Variants in ARHGAP15 observed in about 807,000 individuals in gnomAD.
ARHGAP15 encodes the protein rho GTPase-activating protein 15.
In ARHGAP15, 51 loss-of-function variants were observed where a neutral mutation model predicts 63.7. The ratio of observed to expected loss-of-function variants is 0.80; its 90% CI spans 0.64 to 1.01. The LOEUF (loss-of-function observed/expected upper bound fraction) is 1.01, where lower values mean the gene tolerates loss of function less well. ARHGAP15 is among the 50% of genes least tolerant of loss of function. The probability of loss-of-function intolerance (pLI) is 0.00; values close to 1 mark genes in which losing one functional copy is unlikely to be tolerated. For missense variants in ARHGAP15, 560 were observed against 564.6 expected (o/e 0.99, Z 0.08); for synonymous variants, 191 against 193.8 (o/e 0.99, Z 0.12).
At chr2:143,408,031 A>ATC (rs1688285744) in intron 6 of ARHGAP15, among the ~76,000 whole-genome samples, 2 of 120,084 alleles carry the variant, frequency 1.7e-5, no homozygotes, top group African/African-American at 3.2e-5. Context: ...ATATATATAT[A>ATC]TCCTTTTTCC....
chr2:143,295,017 C>G (rs1455697062), intron 6 of ARHGAP15, among the ~76,000 whole-genome samples: 4 of 151,996 alleles, frequency 2.6e-5, no homozygotes, highest in Non-Finnish European at 5.9e-5. Flanking sequence ...CAGGGTGATG[C>G]TAAAGGAAAT....
Position 143,627,858 on chromosome 2 carries a change from G to T in ARHGAP15, c.1138+3591G>T, listed in dbSNP as rs567376195. On this transcript the variant is annotated intron_variant, in intron 12 of 13. Transcript: ENST00000295095. ...TCGACTTTTATTTTAGATTAAGAAG[G>T]TACATGTGTAGGTTTGTTACCTGGG... Among the ~76,000 whole-genome samples the T allele has an allele frequency of 5.3e-5, 8 of 152,140 alleles. No individual in the cohort carries two copies. The South Asian group carries it at 1.7e-3, about 32-fold the overall frequency.
At chr2:143,445,333 T>C (rs964318223) in intron 8 of ARHGAP15, among the ~76,000 whole-genome samples, 1 of 151,770 alleles carries the variant, frequency 6.6e-6, no homozygotes, top group African/African-American at 2.4e-5. Flanking sequence ...TGGCTAATTT[T>C]TGTATTTTTA....
intron 6 of ARHGAP15, among the ~76,000 whole-genome samples, chr2:143,365,422 C>T (rs1686252591): frequency 6.6e-6 from 1 of 152,194 alleles, no homozygotes; most frequent in African/African-American, 2.4e-5. Flanking sequence ...ATTCAGTTTC[C>T]TGCTGCTAAC....
At chr2:143,393,736 A>T (rs950409731) in intron 6 of ARHGAP15, among the ~76,000 whole-genome samples, 2 of 150,980 alleles carry the variant, frequency 1.3e-5, no homozygotes, top group Admixed American at 1.3e-4. Context: ...TAAAAAAAAA[A>T]AAAAAAAAAA....
At chr2:143,290,414 T>C (rs921889713) in intron 6 of ARHGAP15, among the ~76,000 whole-genome samples, 2 of 150,512 alleles carry the variant, frequency 1.3e-5, no homozygotes, top group African/African-American at 4.9e-5. Context: ...CTCGAGTTTG[T>C]CCCATCCAAA....
At chr2:143,299,518 TGA>T (rs1682802608) in intron 6 of ARHGAP15, among the ~76,000 whole-genome samples, 1 of 152,012 alleles carries the variant, frequency 6.6e-6, no homozygotes. Context: ...CGTTGAGATA[TGA>T]GAGATTATTG....
intron 10 of ARHGAP15, among the ~76,000 whole-genome samples, chr2:143,524,294 T>G (rs1031756572): frequency 1.3e-5 from 2 of 152,194 alleles, no homozygotes; most frequent in African/African-American, 4.8e-5. Context: ...GCTGTTGGCT[T>G]TAAAATTCCC....
At chr2:143,767,702 TCA>T (rs2072969461) in intron 13 of ARHGAP15, among the ~76,000 whole-genome samples, 1 of 152,154 alleles carries the variant, frequency 6.6e-6, no homozygotes, top group Non-Finnish European at 1.5e-5. Flanking sequence ...CTTATTAATT[TCA>T]CAGTCATTTT....
chr2:143,759,521 C>T (rs940670957), intron 13 of ARHGAP15, among the ~76,000 whole-genome samples: 4 of 152,120 alleles, frequency 2.6e-5, no homozygotes, highest in African/African-American at 7.2e-5. Context: ...TTCTCCTGCT[C>T]GAACCCAAAG....
At chr2:143,717,940 A>C (rs1684881983) in intron 13 of ARHGAP15, among the ~76,000 whole-genome samples, 1 of 151,940 alleles carries the variant, frequency 6.6e-6, no homozygotes, top group Admixed American at 6.6e-5. Context: ...AAGAACACAG[A>C]GTCCGATGGT....
chr2:143,681,539 A>G (rs1166211433), intron 12 of ARHGAP15, among the ~76,000 whole-genome samples: 2 of 152,200 alleles, frequency 1.3e-5, no homozygotes, highest in Non-Finnish European at 2.9e-5. Context: ...AAATTTGTGG[A>G]GAGTCATGGC....
chr2:143,272,494 A>T (rs995156943), intron 6 of ARHGAP15, among the ~76,000 whole-genome samples: 1 of 152,032 alleles, frequency 6.6e-6, no homozygotes, highest in Non-Finnish European at 1.5e-5. Context: ...AAAACAAGAA[A>T]AAAGAAGAAA....
intron 8 of ARHGAP15, among the ~76,000 whole-genome samples, chr2:143,458,506 G>A (rs978951992): frequency 3.9e-5 from 6 of 152,138 alleles, no homozygotes; most frequent in African/African-American, 1.4e-4. Flanking sequence ...TTAAAGGGAA[G>A]GAGATTCCTG....
chr2:143,393,635 C>A (rs1364087220), intron 6 of ARHGAP15, among the ~76,000 whole-genome samples: 1 of 144,190 alleles, frequency 6.9e-6, no homozygotes, highest in Non-Finnish European at 1.5e-5. Flanking sequence ...GAGGCTGAGG[C>A]AGGAGAATGG....
intron 6 of ARHGAP15, among the ~76,000 whole-genome samples, chr2:143,305,833 C>A (rs943593545): frequency 1.1e-4 from 17 of 152,052 alleles, no homozygotes; most frequent in African/African-American, 4.1e-4. Flanking sequence ...GGAATTTTAG[C>A]AACTGTTGTA....
At position 143,719,422 on chromosome 2, in the gene ARHGAP15, T is replaced by G. The variant is rs369066578; in HGVS notation, c.1244+15898T>G. 5.7e-4 allele frequency among the ~76,000 whole-genome samples: 87 copies of G among 152,328 alleles called. 1 individual carries two copies. Among genetic ancestry groups the G allele is most frequent in the African/African-American group, 2.0e-3 (82 of 41,580 alleles). ...TTATCTAAATCAGAATTTTTTTCCATCTGGACACTTCATAGCAATCATTTC... is the reference window on the plus strand; with the variant it reads ...TTATCTAAATCAGAATTTTTTTCCAGCTGGACACTTCATAGCAATCATTTC... On this transcript the variant is annotated intron_variant, in intron 13 of 13. Transcript: ENST00000295095.
chr2:143,268,192 A>G (rs1224117466), intron 6 of ARHGAP15, among the ~76,000 whole-genome samples: 2 of 148,276 alleles, frequency 1.3e-5, no homozygotes, highest in East Asian at 3.9e-4. Flanking sequence ...TTTTTTTTCC[A>G]CTTTGAAGAG....
At chr2:143,141,401 A>C (rs1216425078) in intron 1 of ARHGAP15, among the ~76,000 whole-genome samples, 1 of 152,192 alleles carries the variant, frequency 6.6e-6, no homozygotes, top group Non-Finnish European at 1.5e-5. Context: ...AATACAGAGC[A>C]ACAACACTGA....
Sources: allele counts gnomAD v4.1 joint callset (sites outside exome capture counted in the v4.1 genomes callset), GRCh38; gene constraint gnomAD v4.1.1; transcripts MANE v1.5; gene names NCBI Gene and HGNC (gene_info 2026-07-23, HGNC 2026-07-21).